TRDN: variants seen among roughly 807,000 people sequenced by gnomAD.
TRDN encodes triadin, also known as triadin in skeletal muscle.
TRDN carries 161 observed loss-of-function variants against 149.7 expected under a neutral mutation model. The ratio of observed to expected loss-of-function variants is 1.08; its 90% CI spans 0.95 to 1.23. TRDN has a LOEUF of 1.23. Among genes scored for constraint, TRDN ranks in the 50% most tolerant of loss-of-function variants. TRDN has a pLI of 0.00. For missense variants in TRDN, 896 were observed against 823.5 expected (o/e 1.09, Z -1.08); for synonymous variants, 294 against 250.5 (o/e 1.17, Z -1.64).
chr6:123,488,503 C>A (rs764689116), intron 9 of TRDN, among the ~76,000 whole-genome samples: 3 of 152,192 alleles, frequency 2.0e-5, no homozygotes, highest in Non-Finnish European at 2.9e-5. Context: ...TTTTACAGAC[C>A]AACAGCTTCT....
At chr6:123,317,159 CA>C (rs1044865811) in intron 23 of TRDN, among the ~76,000 whole-genome samples, 9 of 151,814 alleles carry the variant, frequency 5.9e-5, no homozygotes, top group African/African-American at 2.2e-4. Context: ...ACTCATAGCA[CA>C]ACCCTAATCA....
intron 12 of TRDN, among the ~76,000 whole-genome samples, chr6:123,414,717 G>C (rs116057816): frequency 6.6e-6 from 1 of 152,106 alleles, no homozygotes; most frequent in East Asian, 1.9e-4. Flanking sequence ...TTAGTGATTC[G>C]CATAATAGTT....
intron 9 of TRDN, among the ~76,000 whole-genome samples, chr6:123,473,944 G>A (rs1777326014): frequency 1.3e-5 from 2 of 151,950 alleles, no homozygotes; most frequent in African/African-American, 4.8e-5. Context: ...CCTGAAGGAA[G>A]AGCTAAATAT....
intron 38 of TRDN, among the ~76,000 whole-genome samples, chr6:123,238,479 A>G (rs1194217066): frequency 6.6e-6 from 1 of 152,172 alleles, no homozygotes; most frequent in South Asian, 2.1e-4. Flanking sequence ...ATGGAATAAT[A>G]AAAACATATA....
At chr6:123,536,016 A>G (rs575469619) in intron 4 of TRDN, among the ~76,000 whole-genome samples, 10 of 152,296 alleles carry the variant, frequency 6.6e-5, no homozygotes, top group Non-Finnish European at 1.3e-4. Flanking sequence ...TCTGATTTCC[A>G]TACTTACTAG....
intron 9 of TRDN, chr6:123,470,326 G>A (rs1337663130): frequency 6.6e-6 from 1 of 152,080 alleles, no homozygotes; most frequent in African/African-American, 2.4e-5. Context: ...ACCTAACTTA[G>A]GTCTGTTGTT....
rs76332291 is a variant in TRDN, at chr6:123,384,263, A to G, written c.1136-2116T>C. Among the ~76,000 whole-genome samples, 450 of 152,278 alleles carry G rather than the reference A, an allele frequency of 3.0e-3. 12 individuals are homozygous for G. In the East Asian group the frequency reaches 0.074, roughly 25 times the overall value. ...ATCTTATAACACAACAGCTTAAGGT[A>G]TGAACTTGATAGTTCAATGTCCGTT... On this transcript the variant is annotated intron_variant, in intron 14 of 40. Coordinates refer to ENST00000334268, the MANE Select transcript of TRDN (RefSeq NM_006073.4).
chr6:123,269,753 CT>C, intron 31 of TRDN, 95 bp downstream of exon 31: 1 of 1,253,670 alleles, frequency 8.0e-7, no homozygotes, highest in Non-Finnish European at 1.1e-6. Context: ...ACAGACAACA[CT>C]GAAAATAACA....
At chr6:123,252,263 A>T in intron 38 of TRDN, 149 bp downstream of exon 38, 1 of 403,606 alleles carries the variant, frequency 2.5e-6, no homozygotes, top group Non-Finnish European at 4.5e-6. Context: ...AACGTAAGTA[A>T]CAATAAAAGC....
chr6:123,354,059 C>T lies in TRDN; in HGVS notation c.1322-1473G>A, dbSNP rs190088745. On this transcript the variant is annotated intron_variant, in intron 20 of 40. Coordinates refer to ENST00000334268, the MANE Select transcript of TRDN (RefSeq NM_006073.4). ...CAATGCTGAAATAAAGGCACAAGTC[C>T]CAAGATATTCCTGAGGTGACTTTCC... 2.6e-5 allele frequency among the ~76,000 whole-genome samples: 4 copies of T among 151,752 alleles called. No homozygotes were observed. The East Asian group carries it at 7.7e-4, about 29-fold the overall frequency.
At chr6:123,438,620 T>C (rs1029214843) in intron 11 of TRDN, among the ~76,000 whole-genome samples, 1 of 152,100 alleles carries the variant, frequency 6.6e-6, no homozygotes, top group Non-Finnish European at 1.5e-5. Context: ...AAAATTAGAC[T>C]GAATTAGTTA....
intron 12 of TRDN, among the ~76,000 whole-genome samples, chr6:123,396,051 T>C (rs1348121794): frequency 2.0e-5 from 3 of 152,210 alleles, no homozygotes; most frequent in South Asian, 4.1e-4. Context: ...AGATTTGACA[T>C]CTGCTCTTGC....
chr6:123,305,852 T>C (rs373665247), intron 24 of TRDN, among the ~76,000 whole-genome samples: 181 of 152,280 alleles, frequency 1.2e-3, no homozygotes, highest in African/African-American at 4.3e-3. Context: ...CAACTTTTTG[T>C]TCAAATTGTA....
chr6:123,624,863 A>T lies in TRDN; in HGVS notation c.22+11891T>A, dbSNP rs1028309312. On this transcript the variant is annotated intron_variant, in intron 1 of 40. Transcript: ENST00000334268. ...AGAACACTCAGATGGGATGACAGGG[A>T]ACTAGGAAACATAATAACTGTTAAA... is the stretch of plus-strand genomic sequence containing the variant. Among the ~76,000 whole-genome samples the T allele has an allele frequency of 3.3e-5, 5 of 152,156 alleles. No individual in the cohort carries two copies. The East Asian group carries it at 9.6e-4, about 29-fold the overall frequency.
chr6:123,322,545 G>T (rs1477439505), intron 23 of TRDN, among the ~76,000 whole-genome samples: 3 of 151,492 alleles, frequency 2.0e-5, no homozygotes, highest in Non-Finnish European at 4.4e-5. Context: ...TGACAATTTG[G>T]TCTGCCTTAT....
chr6:123,511,792 G>T (rs758169041), intron 7 of TRDN, among the ~76,000 whole-genome samples: 7 of 149,464 alleles, frequency 4.7e-5, no homozygotes, highest in Non-Finnish European at 1.0e-4. Flanking sequence ...TGGCTTTAAT[G>T]CTTATTGAAC....
Position 123,443,732 on chromosome 6 carries a change from A to C in TRDN, c.932-4729T>G, listed in dbSNP as rs577500100. ...GGAAGGCATCTAGTTTCAGCTTTCTACATATGGCTAGCCAGTTTTCCCAGC... is the reference window on the plus strand; with the variant it reads ...GGAAGGCATCTAGTTTCAGCTTTCTCCATATGGCTAGCCAGTTTTCCCAGC... On this transcript the variant is annotated intron_variant, in intron 10 of 40. Coordinates refer to ENST00000334268, the MANE Select transcript of TRDN (RefSeq NM_006073.4). 5.3e-3 allele frequency among the ~76,000 whole-genome samples: 788 copies of C among 149,918 alleles called. 14 individuals are homozygous for C. The highest frequency in any genetic ancestry group is 0.018 in the African/African-American group (736 of 39,804).
intron 40 of TRDN, among the ~76,000 whole-genome samples, chr6:123,220,929 G>C (rs1372910464): frequency 6.6e-6 from 1 of 151,614 alleles, no homozygotes; most frequent in Non-Finnish European, 1.5e-5. Flanking sequence ...GTCTAATTTG[G>C]AAGAACCGAA....
At chr6:123,569,841 C>T (rs974720659) in intron 2 of TRDN, among the ~76,000 whole-genome samples, 2 of 152,168 alleles carry the variant, frequency 1.3e-5, no homozygotes, top group Admixed American at 1.3e-4. Context: ...CCAGTCACCT[C>T]CTGCTAGGCC....
Sources: gnomAD v4.1 joint callset for allele counts (sites outside exome capture counted in the v4.1 genomes callset) on GRCh38, gnomAD v4.1.1 for gene constraint, MANE v1.5 for transcripts, NCBI Gene and HGNC (gene_info 2026-07-23, HGNC 2026-07-21) for gene names.